Variants in ASXL1 observed in about 807,000 individuals in gnomAD.
ASXL1 encodes ASXL transcriptional regulator 1, also known as polycomb group protein ASXL1.
ASXL1 carries 65 observed loss-of-function variants against 89.1 expected under a neutral mutation model. The observed-to-expected ratio is 0.73, with a 90% CI of 0.60 to 0.90. The LOEUF (loss-of-function observed/expected upper bound fraction) is 0.90, where lower values mean the gene tolerates loss of function less well. Among genes scored for constraint, ASXL1 ranks in the 40% least tolerant of loss-of-function variants. The pLI, the probability that ASXL1 is intolerant of heterozygous loss-of-function variation, is 0.00. For synonymous variants in ASXL1, 739 were observed against 746.9 expected, an observed-to-expected ratio of 0.99 and a Z score of 0.17; for missense variants, 1,786 against 1,942.9, an observed-to-expected ratio of 0.92 and a Z score of 1.52.
intron 4 of ASXL1, among the ~76,000 whole-genome samples, chr20:32,383,765 A>G (rs1476450125): frequency 6.6e-6 from 1 of 152,194 alleles, no homozygotes; most frequent in Non-Finnish European, 1.5e-5. Context: ...TGGTTGTTTA[A>G]AAACTGTGGG....
At position 32,359,860 on chromosome 20, in the gene ASXL1, C is replaced by T. The variant is rs556133238; in HGVS notation, c.57+1028C>T. 2.1e-5 allele frequency: 15 copies of T among 717,362 alleles called. No homozygotes were observed. The East Asian group carries it at 2.4e-4, about 12-fold the overall frequency. The allele number at this position is 717,362 out of a possible 1,614,324, so 44.4% of individuals were successfully genotyped here. A position where few individuals can be genotyped will look rare whatever the true frequency, so the allele number is the denominator to read the frequency against. ...CTTTGAGACATATTCGGGTAATTAT[C>T]TGCTGATACCAGTAGTAACAGGTTA... On this transcript the variant is annotated intron_variant, in intron 1 of 12. Coordinates refer to ENST00000375687, the MANE Select transcript of ASXL1 (RefSeq NM_015338.6).
intron 4 of ASXL1, among the ~76,000 whole-genome samples, chr20:32,369,672 A>G (rs2048265293): frequency 7.0e-6 from 1 of 143,650 alleles, no homozygotes; most frequent in Admixed American, 6.9e-5. Context: ...ATCTTTGTAG[A>G]TTGTACAAAA....
At chr20:32,370,287 C>T (rs527284659) in intron 4 of ASXL1, among the ~76,000 whole-genome samples, 1 of 152,022 alleles carries the variant, frequency 6.6e-6, no homozygotes, top group Non-Finnish European at 1.5e-5. Context: ...CAAAGTTTTT[C>T]TGTAAAGGAC....
intron 4 of ASXL1, among the ~76,000 whole-genome samples, chr20:32,373,277 T>C (rs2048329545): frequency 6.6e-6 from 1 of 152,014 alleles, no homozygotes. Context: ...CCCAAGAGGC[T>C]GAGGCAGGAG....
intron 4 of ASXL1, among the ~76,000 whole-genome samples, chr20:32,380,137 C>A (rs1268453505): frequency 6.6e-6 from 1 of 151,842 alleles, no homozygotes; most frequent in Non-Finnish European, 1.5e-5. Context: ...CAAAAATTAG[C>A]TGGGCGTGGT....
At position 32,435,578 on chromosome 20, in the gene ASXL1, C is replaced by G. The variant is rs1236179195; in HGVS notation, c.2866C>G (p.Leu956Val). 6.2e-7 allele frequency: 1 copy of G among 1,614,102 alleles called. No homozygotes were observed. The highest frequency in any genetic ancestry group is 8.5e-7 in the Non-Finnish European group (1 of 1,180,042). ...GGAGGGTCTAGATCCTCTTGACAGC[C>G]TTACTTCACTCTGGACTGTGCCATC... is the stretch of plus-strand genomic sequence containing the variant. ...AEEGLDPLDS[L>V]TSLWTVPSRG... Residue 956 changes from leucine to valine, a missense_variant, in exon 13 of 13, where the codon CTT (leucine) becomes GTT (valine). This residue lies in a region of ASXL1 where 1,418 missense variants were observed against 1,427.8 expected (regional missense o/e 0.99). Coordinates refer to ENST00000375687, the MANE Select transcript of ASXL1 (RefSeq NM_015338.6).
intron 4 of ASXL1, among the ~76,000 whole-genome samples, chr20:32,403,235 T>A (rs1292142129): frequency 6.6e-6 from 1 of 152,196 alleles, no homozygotes; most frequent in African/African-American, 2.4e-5. Flanking sequence ...CTACGCACAC[T>A]GTTCTGGCTC....
Position 32,436,756 on chromosome 20 carries a change from G to T in ASXL1, c.4044G>T (p.Gly1348=). 1 of 1,614,158 alleles carries T rather than the reference G, an allele frequency of 6.2e-7. No homozygotes were observed. Among genetic ancestry groups the T allele is most frequent in the Non-Finnish European group, 8.5e-7 (1 of 1,180,036 alleles). ...LGPSTNSMSG[G]VQTPREDWAP... ...CAAGCACAAACTCCATGTCTGGTGG[G>T]GTACAGACTCCAAGGGAAGACTGGG... The change falls in exon 13 of 13, where the codon GGG becomes GGT. Residue 1348 remains glycine (G), a synonymous_variant. Coordinates refer to ENST00000375687, the MANE Select transcript of ASXL1 (RefSeq NM_015338.6).
chr20:32,434,476 G>C lies in ASXL1; in HGVS notation c.1764G>C (p.Gln588His). 2.5e-6 allele frequency: 4 copies of C among 1,614,100 alleles called. No individual in the cohort carries two copies. The highest frequency in any genetic ancestry group is 3.4e-6 in the Non-Finnish European group (4 of 1,180,042). The change falls in exon 13 of 13, where the codon CAG (glutamine) becomes CAC (histidine). Residue 588 changes from glutamine to histidine, a missense_variant. Coordinates refer to ENST00000375687, the MANE Select transcript of ASXL1 (RefSeq NM_015338.6). ...AACCACCCTGGGTGGTTAAAGGTCA[G>C]CCCACTTACCAGATATGCCCCCGGA... ...RIKPPWVVKG[Q>H]PTYQICPRII...
At chr20:32,398,470 T>C (rs962839939) in intron 4 of ASXL1, among the ~76,000 whole-genome samples, 1 of 152,194 alleles carries the variant, frequency 6.6e-6, no homozygotes, top group Non-Finnish European at 1.5e-5. Flanking sequence ...TTTCTCTCTG[T>C]CCTTTTCCCT....
At chr20:32,367,906 C>T (rs556940264) in intron 3 of ASXL1, among the ~76,000 whole-genome samples, 177 bp downstream of exon 3, 1 of 152,262 alleles carries the variant, frequency 6.6e-6, no homozygotes, top group African/African-American at 2.4e-5. Flanking sequence ...CATGCTGTTC[C>T]CCTTGTAGCA....
chr20:32,413,729 T>C (rs1331372664), intron 4 of ASXL1, among the ~76,000 whole-genome samples: 1 of 152,246 alleles, frequency 6.6e-6, no homozygotes, highest in Non-Finnish European at 1.5e-5. Flanking sequence ...CACGTGCATG[T>C]GGCTGTTTTC....
In ASXL1 at chr20:32,436,323, G is replaced by A; in HGVS notation, c.3611G>A (p.Cys1204Tyr). The A allele has an allele frequency of 1.2e-6, 2 of 1,614,004 alleles. No homozygotes were observed. ...TQAPGAPQKN[C>Y]KAVPSFDSLH... is the part of the protein sequence containing the mutation. The stretch of plus-strand genomic sequence containing the variant: ...GCTCCTGGAGCACCCCAAAAGAATT[G>A]CAAGGCAGTCCCAAGTTTTGACTCC... Residue 1204 changes from cysteine (C) to tyrosine (Y), a missense_variant, in exon 13 of 13, where the codon TGC becomes TAC. Physicochemically the swap from Cys to Tyr is radical, Grantham distance 194. Transcript: ENST00000375687.
At chr20:32,390,884 T>C (rs534923105) in intron 4 of ASXL1, among the ~76,000 whole-genome samples, 50 of 152,078 alleles carry the variant, frequency 3.3e-4, no homozygotes, top group Non-Finnish European at 5.9e-4. Context: ...GTATTAGCAA[T>C]TTATTTCTTT....
At chr20:32,430,476 A>G in intron 8 of ASXL1, 1 of 244,118 alleles carries the variant, frequency 4.1e-6, no homozygotes, top group Non-Finnish European at 8.0e-6. Flanking sequence ...CAGTATGTTG[A>G]GTGGAAGCAT....
intron 6 of ASXL1, 115 bp downstream of exon 6, chr20:32,428,537 C>A: frequency 9.8e-7 from 1 of 1,017,416 alleles, no homozygotes; most frequent in Non-Finnish European, 1.5e-6. Context: ...GAATAGAAGT[C>A]TGGTCTCCAG....
chr20:32,388,182 T>G (rs1489231839), intron 4 of ASXL1, among the ~76,000 whole-genome samples: 1 of 152,094 alleles, frequency 6.6e-6, no homozygotes, highest in African/African-American at 2.4e-5. Context: ...ATTTATTTAT[T>G]TATTTATTTT....
chr20:32,425,781 A>G (rs1233821042), intron 4 of ASXL1, among the ~76,000 whole-genome samples: 2 of 151,918 alleles, frequency 1.3e-5, no homozygotes, highest in Non-Finnish European at 2.9e-5. Context: ...ATCTTGGCTC[A>G]CTAACCTCTG....
intron 12 of ASXL1, 31 bp from the exon 13 acceptor site, chr20:32,434,401 T>A (rs1376914815): frequency 6.2e-7 from 1 of 1,612,922 alleles, no homozygotes. Context: ...ACCCAGTCAG[T>A]TAAAACTATT....
Sources: allele counts gnomAD v4.1 joint callset (sites outside exome capture counted in the v4.1 genomes callset), GRCh38; gene constraint gnomAD v4.1.1; regional missense constraint gnomAD v4.1.1; transcripts MANE v1.5; gene names NCBI Gene and HGNC (gene_info 2026-07-23, HGNC 2026-07-21).